Variants in RPIA observed in about 807,000 individuals in gnomAD.
The protein encoded by RPIA is ribose-5-phosphate isomerase.
In RPIA, 29 loss-of-function variants were observed where a neutral mutation model predicts 37.8. The observed-to-expected ratio is 0.77, with a 90% confidence interval of 0.57 to 1.05. RPIA has a LOEUF of 1.05. Among genes scored for constraint, RPIA ranks in the 50% least tolerant of loss-of-function variants. RPIA has a pLI of 0.00. For missense variants in RPIA, 385 were observed against 413.6 expected (o/e 0.93, Z 0.60); for synonymous variants, 167 against 157.0 (o/e 1.06, Z -0.48).
intron 3 of RPIA, among the ~76,000 whole-genome samples, chr2:88,715,738 G>GT (rs1673026742): frequency 6.6e-6 from 1 of 152,006 alleles, no homozygotes; most frequent in Non-Finnish European, 1.5e-5. Context: ...TAGGTTTTTT[G>GT]TTTCTTATTC....
chr2:88,735,287 A>G (rs1330817277), intron 5 of RPIA, among the ~76,000 whole-genome samples: 1 of 152,182 alleles, frequency 6.6e-6, no homozygotes, highest in Non-Finnish European at 1.5e-5. Flanking sequence ...TCTCCACTTC[A>G]TCACCCTCAT....
intron 8 of RPIA, among the ~76,000 whole-genome samples, chr2:88,748,951 C>G (rs11127102): frequency 0.23 from 34,242 of 152,160 alleles, 4,326 homozygotes; most frequent in Middle Eastern, 0.45. Flanking sequence ...TGGGCTCCAT[C>G]AGCTCCATCT....
intron 3 of RPIA, among the ~76,000 whole-genome samples, chr2:88,725,777 G>C (rs537239421): frequency 7.7e-4 from 118 of 152,282 alleles, no homozygotes; most frequent in African/African-American, 2.7e-3. Context: ...GAAGGATGAG[G>C]CTCACACCAT....
intron 3 of RPIA, among the ~76,000 whole-genome samples, chr2:88,717,988 G>T (rs1673056671): frequency 1.3e-5 from 2 of 152,142 alleles, no homozygotes; most frequent in Admixed American, 1.3e-4. Context: ...GGTTGCTGTT[G>T]TTTGCTTCTG....
At chr2:88,715,444 A>T (rs1465960510) in intron 3 of RPIA, among the ~76,000 whole-genome samples, 1 of 152,222 alleles carries the variant, frequency 6.6e-6, no homozygotes, top group African/African-American at 2.4e-5. Context: ...GGGGGATGCA[A>T]TTAATTCTTA....
intron 5 of RPIA, 104 bp downstream of exon 5, chr2:88,734,720 G>A: frequency 8.2e-7 from 1 of 1,226,812 alleles, no homozygotes; most frequent in Non-Finnish European, 1.2e-6. Context: ...ACATATGCAA[G>A]TTTGTCTTTC....
chr2:88,698,650 T>G lies in RPIA; in HGVS notation c.346+106T>G, dbSNP rs1672789156. On this transcript the variant is annotated intron_variant, in intron 2 of 8. Transcript: ENST00000283646. ...CAGGTTTGGCATTGCCCTTTTGGCT[T>G]CAGCAGTACAGAGCTGGAGAGAGGG... The G allele has an allele frequency of 2.4e-5, 24 of 1,004,972 alleles. No individual in the cohort carries two copies. The South Asian group carries it at 2.5e-4, about 11-fold the overall frequency. 62.3% of individuals were successfully genotyped at this position (1,004,972 alleles called of 1,614,324 possible). A position where few individuals can be genotyped will look rare whatever the true frequency, so the allele number is the denominator to read the frequency against.
Position 88,729,320 on chromosome 2 carries a change from C to G in RPIA, c.445C>G (p.Leu149Val). The G allele has an allele frequency of 2.5e-6, 4 of 1,614,214 alleles. No individual in the cohort carries two copies. The highest frequency in any genetic ancestry group is 3.4e-6 in the Non-Finnish European group (4 of 1,180,032). ...GCAGTATGGCTTGACCCTCAGTGAT[C>G]TGGATCGACACCCAGAGGTAAGATT... Reference protein sequence around the residue: ...ILQYGLTLSDLDRHPEIDLAI... With the variant: ...ILQYGLTLSDVDRHPEIDLAI... The change falls in exon 4 of 9, where the codon CTG (leucine) becomes GTG (valine). Residue 149 changes from leucine to valine, a missense_variant. By Grantham distance (32) the Leu-to-Val change is conservative. Coordinates refer to ENST00000283646, the MANE Select transcript of RPIA (RefSeq NM_144563.3).
At chr2:88,706,484 A>G (rs914501716) in intron 3 of RPIA, among the ~76,000 whole-genome samples, 1 of 151,418 alleles carries the variant, frequency 6.6e-6, no homozygotes, top group Non-Finnish European at 1.5e-5. Flanking sequence ...GTTCTCACTT[A>G]TAAGTTGGAG....
At chr2:88,734,689 A>G in intron 5 of RPIA, 73 bp downstream of exon 5, 2 of 1,478,662 alleles carry the variant, frequency 1.4e-6, no homozygotes, top group African/African-American at 1.4e-5. Context: ...ATGGATACAG[A>G]ATAAACAAAT....
At chr2:88,727,597 C>T (rs139472381) in intron 3 of RPIA, among the ~76,000 whole-genome samples, 1 of 152,236 alleles carries the variant, frequency 6.6e-6, no homozygotes, top group East Asian at 1.9e-4. Flanking sequence ...TATTGTTGCC[C>T]TCTGTTAGCT....
At chr2:88,723,005 T>C (rs1165067508) in intron 3 of RPIA, among the ~76,000 whole-genome samples, 1 of 152,222 alleles carries the variant, frequency 6.6e-6, no homozygotes, top group Non-Finnish European at 1.5e-5. Flanking sequence ...TTTGTTTGTT[T>C]GTTTATTTTT....
intron 3 of RPIA, among the ~76,000 whole-genome samples, chr2:88,710,236 A>T (rs1045237476): frequency 5.9e-5 from 9 of 152,034 alleles, no homozygotes; most frequent in African/African-American, 2.2e-4. Flanking sequence ...TGTAGAGACG[A>T]TGTCTCACTA....
intron 3 of RPIA, among the ~76,000 whole-genome samples, chr2:88,700,649 G>C: frequency 6.6e-6 from 1 of 151,980 alleles, no homozygotes; most frequent in Non-Finnish European, 1.5e-5. Context: ...GTGAGACCCT[G>C]TCTCAAGAAA....
chr2:88,736,805 A>G, intron 7 of RPIA, 129 bp downstream of exon 7: 1 of 1,184,732 alleles, frequency 8.4e-7, no homozygotes, highest in African/African-American at 1.5e-5. Context: ...TTTTTAATTG[A>G]TGTATTTGTT....
intron 8 of RPIA, among the ~76,000 whole-genome samples, chr2:88,744,224 A>G (rs13396923): frequency 0.06 from 9,129 of 152,152 alleles, 453 homozygotes; most frequent in African/African-American, 0.14. Flanking sequence ...ATTCAGTTCA[A>G]ATAATTTTTA....
At chr2:88,704,212 G>A (rs943627658) in intron 3 of RPIA, among the ~76,000 whole-genome samples, 4 of 152,098 alleles carry the variant, frequency 2.6e-5, no homozygotes, top group South Asian at 2.1e-4. Flanking sequence ...CCATATTTTC[G>A]GATATCTTCT....
chr2:88,729,280 C>T lies in RPIA; in HGVS notation c.405C>T (p.Ala135=), dbSNP rs562892316. ...NLVCIPTSFQ[A]RQLILQYGLT... The stretch of plus-strand genomic sequence containing the variant: ...TTGCTCTTCCCTGTCCTCCGCAGGC[C>T]CGCCAGCTCATCCTGCAGTATGGCT... Residue 135 remains alanine (A), a splice_region_variant and synonymous_variant, in exon 4 of 9, where the codon GCC becomes GCT. Coordinates refer to ENST00000283646, the MANE Select transcript of RPIA (RefSeq NM_144563.3). 1.2e-6 allele frequency: 2 copies of T among 1,614,118 alleles called. No individual in the cohort carries two copies. Among genetic ancestry groups the T allele is most frequent in the African/African-American group, 2.7e-5 (2 of 75,028 alleles).
At chr2:88,709,840 G>T (rs1192912064) in intron 3 of RPIA, among the ~76,000 whole-genome samples, 1 of 152,204 alleles carries the variant, frequency 6.6e-6, no homozygotes, top group Non-Finnish European at 1.5e-5. Flanking sequence ...TTTCTCTGAA[G>T]GGCTGAGTTT....
Sources: allele counts gnomAD v4.1 joint callset (sites outside exome capture counted in the v4.1 genomes callset), GRCh38; gene constraint gnomAD v4.1.1; transcripts MANE v1.5; gene names NCBI Gene and HGNC (gene_info 2026-07-23, HGNC 2026-07-21).